Variants in B2M observed in about 807,000 individuals in gnomAD.
B2M encodes beta-2-microglobulin, also known as beta chain of MHC class I molecules.
A neutral mutation model predicts 14.5 loss-of-function variants in B2M; 3 were observed. That is an observed-to-expected ratio of 0.21 (90% CI 0.09 to 0.53). The LOEUF (loss-of-function observed/expected upper bound fraction) is 0.53. B2M is among the 20% of genes least tolerant of loss of function. The probability of loss-of-function intolerance (pLI) is 0.95; values close to 1 mark genes in which losing one functional copy is unlikely to be tolerated. For missense variants in B2M, 107 were observed against 140.8 expected (o/e 0.76, Z 1.21); for synonymous variants, 45 against 52.7 (o/e 0.85, Z 0.64).
intron 1 of B2M, 38 bp from the exon 2 acceptor site, chr15:44,715,385 C>T (rs1447213617): frequency 3.1e-6 from 5 of 1,600,980 alleles, no homozygotes; most frequent in Non-Finnish European, 4.3e-6. Flanking sequence ...GTGAAATACC[C>T]TGGCAATATT....
At chr15:44,716,467 T>G (rs1259420199) in intron 3 of B2M, 111 bp downstream of exon 3, 1 of 1,202,854 alleles carries the variant, frequency 8.3e-7, no homozygotes, top group Non-Finnish European at 1.2e-6. Flanking sequence ...CAGAGTAACA[T>G]TTTAGCAGGG....
rs372657780 is a variant in B2M, at chr15:44,715,217, G to A, written c.68-206G>A. 93 of 641,054 alleles carry A rather than the reference G, an allele frequency of 1.5e-4. 1 individual carries two copies. The African/African-American group carries it at 1.5e-3, about 10-fold the overall frequency. 39.7% of individuals were successfully genotyped at this position (641,054 alleles called of 1,614,324 possible). ...AAAGGCATGTATAGAGGAATTATGAGGGAAAGATACCAAGTCACGGTTTAT... is the reference window on the plus strand; with the variant it reads ...AAAGGCATGTATAGAGGAATTATGAAGGAAAGATACCAAGTCACGGTTTAT... On this transcript the variant is annotated intron_variant, in intron 1 of 3. Coordinates refer to ENST00000648006, the MANE Select transcript of B2M (RefSeq NM_004048.4).
At chr15:44,715,782 G>C in intron 2 of B2M, 81 bp downstream of exon 2, 1 of 1,545,460 alleles carries the variant, frequency 6.5e-7, no homozygotes, top group Non-Finnish European at 8.9e-7. Flanking sequence ...TATAAAAAAG[G>C]TCTATGGCCA....
chr15:44,718,001 GA>G lies in B2M; in HGVS notation c.*410del, dbSNP rs2141290565. On this transcript the variant is annotated 3_prime_UTR_variant, in exon 4 of 4. Coordinates refer to ENST00000648006, the MANE Select transcript of B2M (RefSeq NM_004048.4). The stretch of plus-strand genomic sequence containing the variant: ...GAAAATTTAGAAATATAATTGACAG[GA>G]TTATTGGAAATTTGTTATAATGAAT... 1 of 152,250 alleles carries G rather than the reference GA, an allele frequency of 6.6e-6. No individual in the cohort carries two copies. The highest frequency in any genetic ancestry group is 2.1e-4 in the South Asian group (1 of 4,830). 9.4% of individuals were successfully genotyped at this position (152,250 alleles called of 1,614,324 possible).
chr15:44,715,071 G>A, intron 1 of B2M: 1 of 390,014 alleles, frequency 2.6e-6, no homozygotes, highest in East Asian at 6.1e-5. Context: ...GTTAAGGAAT[G>A]CTATGAGTGC....
intron 1 of B2M, chr15:44,714,438 A>C (rs1024499132): frequency 6.6e-6 from 1 of 151,964 alleles, no homozygotes; most frequent in Non-Finnish European, 1.5e-5. Flanking sequence ...AGAAATAAAG[A>C]GGTTTTGTTG....
At chr15:44,714,135 G>A (rs1425799502) in intron 1 of B2M, 1 of 152,116 alleles carries the variant, frequency 6.6e-6, no homozygotes, top group Non-Finnish European at 1.5e-5. Context: ...TACTGTTTCT[G>A]AAACATTAGG....
intron 3 of B2M, chr15:44,716,751 G>T: frequency 4.0e-6 from 1 of 249,060 alleles, no homozygotes; most frequent in South Asian, 6.3e-5. Flanking sequence ...AGACAGAAGA[G>T]AGGAGTTATA....
Position 44,717,932 on chromosome 15 carries a change from C to G in B2M, c.*340C>G, listed in dbSNP as rs1242815475. 6.6e-6 allele frequency: 1 copy of G among 152,072 alleles called. No homozygotes were observed. Among genetic ancestry groups the G allele is most frequent in the East Asian group, 1.9e-4 (1 of 5,188 alleles). The allele number at this position is 152,072 out of a possible 1,614,324, so 9.4% of individuals were successfully genotyped here. A position where few individuals can be genotyped will look rare whatever the true frequency, so the allele number is the denominator to read the frequency against. Reference sequence around the variant, plus strand: ...AAGCTTGTTAAGATAGTTAAGCGTGCATAAGTTAACTTCCAATTTACATAC... The same window carrying G: ...AAGCTTGTTAAGATAGTTAAGCGTGGATAAGTTAACTTCCAATTTACATAC... On this transcript the variant is annotated 3_prime_UTR_variant, in exon 4 of 4. Transcript: ENST00000648006.
In B2M at chr15:44,711,577, G is replaced by C. The variant is rs104894481; in HGVS notation, c.31G>C (p.Ala11Pro). The C allele has an allele frequency of 4.3e-6, 7 of 1,613,940 alleles. No homozygotes were observed. Among genetic ancestry groups the C allele is most frequent in the Non-Finnish European group, 5.9e-6 (7 of 1,180,022 alleles). ...TCGCTCCGTGGCCTTAGCTGTGCTC[G>C]CGCTACTCTCTCTTTCTGGCCTGGA... MSRSVALAVL[A>P]LLSLSGLEAI... Residue 11 changes from alanine to proline, a missense_variant, in exon 1 of 4, where the codon GCG becomes CCG. Transcript: ENST00000648006.
intron 2 of B2M, 95 bp downstream of exon 2, chr15:44,715,796 T>G: frequency 7.1e-7 from 1 of 1,413,202 alleles, no homozygotes; most frequent in Non-Finnish European, 9.9e-7. Context: ...ATGGCCATAC[T>G]ACCCTGAATG....
rs1180689242 is a variant in B2M at position 44,715,486 on chromosome 15, A to G, written c.131A>G (p.Asn44Ser). ...GAGAATGGAAAGTCAAATTTCCTGA[A>G]TTGCTATGTGTCTGGGTTTCATCCA... ...PAENGKSNFL[N>S]CYVSGFHPSD... The change falls in exon 2 of 4, where the codon AAT becomes AGT. Residue 44 changes from asparagine to serine, a missense_variant. Physicochemically the swap from Asn to Ser is conservative, Grantham distance 46. Coordinates refer to ENST00000648006, the MANE Select transcript of B2M (RefSeq NM_004048.4). The G allele has an allele frequency of 6.2e-7, 1 of 1,614,170 alleles. No individual in the cohort carries two copies. The highest frequency in any genetic ancestry group is 1.3e-5 in the African/African-American group (1 of 75,048).
At chr15:44,715,236 G>T (rs942614274) in intron 1 of B2M, 187 bp from the exon 2 acceptor site, 3 of 685,868 alleles carry the variant, frequency 4.4e-6, no homozygotes, top group Non-Finnish European at 7.6e-6. Flanking sequence ...ACCAAGTCAC[G>T]GTTTATTCTT....
At chr15:44,711,978 G>A in intron 1 of B2M, 1 of 423,658 alleles carries the variant, frequency 2.4e-6, no homozygotes, top group Non-Finnish European at 4.4e-6. Flanking sequence ...AGCGCAGCTG[G>A]AGTGGGGGAC....
intron 2 of B2M, 54 bp downstream of exon 2, chr15:44,715,755 T>A: frequency 1.9e-6 from 3 of 1,603,364 alleles, no homozygotes; most frequent in Non-Finnish European, 2.6e-6. Flanking sequence ...AGTAGTCATA[T>A]CATAAAGCTG....
chr15:44,711,659 T>C lies in B2M; in HGVS notation c.67+46T>C, dbSNP rs2141284874. The C allele has an allele frequency of 2.5e-6, 4 of 1,580,950 alleles. No homozygotes were observed. In the South Asian group the frequency reaches 4.4e-5, roughly 17 times the overall value. On this transcript the variant is annotated intron_variant, in intron 1 of 3. Transcript: ENST00000648006. ...CGCTCTGGTCCTTCCTCTCCCGCTC[T>C]GCACCCTCTGTGGCCCTCGCTGTGC...
intron 1 of B2M, chr15:44,712,834 CA>C (rs1176163524): frequency 2.0e-5 from 3 of 151,922 alleles, no homozygotes; most frequent in Non-Finnish European, 4.4e-5. Context: ...CTGGTCTCTA[CA>C]AAAAATAATA....
chr15:44,715,923 G>C (rs2086936280), intron 2 of B2M: 9 of 662,134 alleles, frequency 1.4e-5, no homozygotes, highest in Non-Finnish European at 1.1e-5. Context: ...TTCTGAACCA[G>C]TAGTTTCCCT....
At chr15:44,714,776 G>C (rs1221262011) in intron 1 of B2M, 1 of 154,856 alleles carries the variant, frequency 6.5e-6, no homozygotes, top group Non-Finnish European at 1.4e-5. Flanking sequence ...AACATACCTT[G>C]GGTTGATCCA....
Sources: gnomAD v4.1 joint callset for allele counts on GRCh38, gnomAD v4.1.1 for gene constraint, MANE v1.5 for transcripts, NCBI Gene and HGNC (gene_info 2026-07-23, HGNC 2026-07-21) for gene names.